Variants in ADGRL3 observed in about 807,000 individuals in gnomAD.
ADGRL3 encodes the protein calcium-independent alpha-latrotoxin receptor 3.
Under a neutral mutation model 153.5 loss-of-function variants are expected in ADGRL3, and 62 were observed. That is an observed-to-expected ratio of 0.40 (90% CI 0.33 to 0.50). ADGRL3 has a LOEUF of 0.50. Ranked by LOEUF, ADGRL3 falls within the 20% of genes least tolerant of loss-of-function variation. The pLI, the probability that ADGRL3 is intolerant of heterozygous loss-of-function variation, is 0.47. For synonymous variants in ADGRL3, 710 were observed against 672.5 expected (o/e 1.06, Z -0.86); for missense variants, 1,641 against 1,859.4 (o/e 0.88, Z 2.16).
chr4:61,299,109 C>T (rs2150313582), intron 1 of ADGRL3, among the ~76,000 whole-genome samples: 1 of 152,160 alleles, frequency 6.6e-6, no homozygotes, highest in South Asian at 2.1e-4. Flanking sequence ...TAAATTTCAA[C>T]TTGTTTTCCC....
At chr4:61,270,468 A>G (rs1420124728) in intron 1 of ADGRL3, among the ~76,000 whole-genome samples, 1 of 151,818 alleles carries the variant, frequency 6.6e-6, no homozygotes, top group Non-Finnish European at 1.5e-5. Flanking sequence ...TTAATATGAA[A>G]AAAACCTGCT....
At chr4:61,559,088 GGAT>G (rs1350431343) in intron 4 of ADGRL3, among the ~76,000 whole-genome samples, 1 of 151,912 alleles carries the variant, frequency 6.6e-6, no homozygotes, top group African/African-American at 2.4e-5. Context: ...CCATATTGCA[GGAT>G]GATAATTATC....
At chr4:62,012,501 G>C (rs2099191325) in intron 21 of ADGRL3, among the ~76,000 whole-genome samples, 1 of 152,148 alleles carries the variant, frequency 6.6e-6, no homozygotes, top group South Asian at 2.1e-4. Flanking sequence ...TCAAACCTCA[G>C]AGCTAGTTAG....
intron 4 of ADGRL3, among the ~76,000 whole-genome samples, chr4:61,562,163 T>A (rs1316285982): frequency 6.6e-6 from 1 of 152,180 alleles, no homozygotes; most frequent in Non-Finnish European, 1.5e-5. Flanking sequence ...TGCAGTAGCA[T>A]TATATTTATA....
At chr4:61,363,923 G>A (rs1002564055) in intron 1 of ADGRL3, among the ~76,000 whole-genome samples, 54 of 152,138 alleles carry the variant, frequency 3.5e-4, no homozygotes, top group African/African-American at 1.3e-3. Flanking sequence ...CTTTTGGGTT[G>A]TTTACTGTTA....
chr4:61,639,183 AT>A (rs1214431982), intron 5 of ADGRL3, among the ~76,000 whole-genome samples: 1 of 152,120 alleles, frequency 6.6e-6, no homozygotes, highest in Non-Finnish European at 1.5e-5. Flanking sequence ...TAGAAAACCC[AT>A]TTTTAAGCCA....
intron 1 of ADGRL3, among the ~76,000 whole-genome samples, chr4:61,248,376 A>G (rs544219183): frequency 8.5e-4 from 130 of 152,244 alleles, no homozygotes; most frequent in African/African-American, 3.0e-3. Context: ...TTACTTACTA[A>G]GCAACTCATC....
intron 2 of ADGRL3, among the ~76,000 whole-genome samples, chr4:61,393,492 A>G (rs1425592210): frequency 2.6e-5 from 4 of 152,104 alleles, no homozygotes; most frequent in Non-Finnish European, 2.9e-5. Flanking sequence ...TTTTTTTAGT[A>G]TAATGAGATT....
chr4:61,753,754 T>A (rs896017078), intron 8 of ADGRL3, among the ~76,000 whole-genome samples: 2 of 152,206 alleles, frequency 1.3e-5, no homozygotes, highest in African/African-American at 4.8e-5. Context: ...GTAAGACTAA[T>A]TTGATAGCAA....
At chr4:61,745,038 G>A (rs1054959858) in intron 8 of ADGRL3, among the ~76,000 whole-genome samples, 3 of 152,194 alleles carry the variant, frequency 2.0e-5, no homozygotes, top group Non-Finnish European at 2.9e-5. Flanking sequence ...ATGGAGCTGA[G>A]AACCAAGACT....
intron 4 of ADGRL3, among the ~76,000 whole-genome samples, chr4:61,522,710 G>C (rs1258491287): frequency 6.6e-6 from 1 of 152,212 alleles, no homozygotes; most frequent in East Asian, 1.9e-4. Flanking sequence ...AATGTAGGCT[G>C]CTTTAAAACC....
chr4:61,298,800 AATTG>A (rs202015165), intron 1 of ADGRL3, among the ~76,000 whole-genome samples: 1,910 of 152,280 alleles, frequency 0.013, 34 homozygotes, highest in Non-Finnish European at 0.016. Flanking sequence ...GTTGAAAATT[AATTG>A]ATTAGATTGA....
At chr4:62,005,181 T>G (rs2151149648) in intron 21 of ADGRL3, among the ~76,000 whole-genome samples, 1 of 152,326 alleles carries the variant, frequency 6.6e-6, no homozygotes, top group South Asian at 2.1e-4. Context: ...AGCTGTTCAT[T>G]CTGCAAGTGT....
chr4:62,036,344 G>A (rs2151571855), intron 23 of ADGRL3, among the ~76,000 whole-genome samples: 1 of 151,736 alleles, frequency 6.6e-6, no homozygotes, highest in Middle Eastern at 3.5e-3. Context: ...GACTTTCTGG[G>A]AAGCCCTCTT....
chr4:61,233,027 T>G (rs1751401884), intron 1 of ADGRL3, among the ~76,000 whole-genome samples: 1 of 152,166 alleles, frequency 6.6e-6, no homozygotes, highest in Admixed American at 6.5e-5. Context: ...ATTATGTGCT[T>G]GAATATTTGT....
At chr4:61,869,960 A>AAAAAAAAAAAAAAAAAGAG (rs1554051477) in intron 9 of ADGRL3, among the ~76,000 whole-genome samples, 2 of 101,886 alleles carry the variant, frequency 2.0e-5, no homozygotes, top group Non-Finnish European at 4.0e-5. Flanking sequence ...AAAAAAAAAA[A>AAAAAAAAAAAAAAAAAGAG]AGAGAGAGAG....
intron 4 of ADGRL3, among the ~76,000 whole-genome samples, chr4:61,545,217 G>A (rs899513149): frequency 6.6e-6 from 1 of 152,176 alleles, no homozygotes; most frequent in Admixed American, 6.5e-5. Context: ...AGCTGTCCCC[G>A]TTACCCAGCC....
intron 12 of ADGRL3, 137 bp from the exon 13 acceptor site, chr4:61,912,582 T>TTC (rs2098726730): frequency 1.4e-6 from 1 of 715,222 alleles, no homozygotes; most frequent in South Asian, 1.9e-5. Context: ...CTGCTTAGCT[T>TTC]TCATTTTCTT....
intron 25 of ADGRL3, among the ~76,000 whole-genome samples, chr4:62,044,903 A>G (rs1009468398): frequency 6.6e-6 from 1 of 152,078 alleles, no homozygotes; most frequent in Non-Finnish European, 1.5e-5. Context: ...ACATTGTCTT[A>G]GATATAAAGC....
Sources: gnomAD v4.1 joint callset for allele counts (sites outside exome capture counted in the v4.1 genomes callset) on GRCh38, gnomAD v4.1.1 for gene constraint, MANE v1.5 for transcripts, NCBI Gene and HGNC (gene_info 2026-07-23, HGNC 2026-07-21) for gene names.